The following FBXO36 variants were observed in gnomAD, a reference collection of about 807,000 sequenced individuals.
FBXO36 encodes F-box only protein 36.
In FBXO36, 18 loss-of-function variants were observed where a neutral mutation model predicts 17.0. The ratio of observed to expected loss-of-function variants is 1.06; its 90% CI spans 0.73 to 1.57. The LOEUF is 1.57. Among genes scored for constraint, FBXO36 ranks in the 40% most tolerant of loss-of-function variants. The pLI is 0.00. For synonymous variants in FBXO36, 83 were observed against 85.3 expected (o/e 0.97, Z 0.15); for missense variants, 229 against 221.9 (o/e 1.03, Z -0.20).
intron 1 of FBXO36, among the ~76,000 whole-genome samples, chr2:229,933,165 G>C (rs951131494): frequency 6.6e-6 from 1 of 152,144 alleles, no homozygotes; most frequent in Admixed American, 6.6e-5. Context: ...GGACGAGGCG[G>C]GTGGATCACC....
chr2:229,980,110 C>T lies in FBXO36; in HGVS notation c.205+3761C>T, dbSNP rs543632304. Among the ~76,000 whole-genome samples, 8 of 152,134 alleles carry T rather than the reference C, an allele frequency of 5.3e-5. 1 individual carries two copies. The highest frequency in any genetic ancestry group is 1.9e-4 in the East Asian group (1 of 5,172). ...TCGCCTAGGGTGGACGGCAGTGGCA[C>T]GATCTCAGCTCACTGCAACCTCCAC... On this transcript the variant is annotated intron_variant, in intron 2 of 3. Coordinates refer to ENST00000283946, the MANE Select transcript of FBXO36 (RefSeq NM_174899.5).
chr2:229,963,867 A>G (rs1202410405), intron 1 of FBXO36, among the ~76,000 whole-genome samples: 1 of 152,148 alleles, frequency 6.6e-6, no homozygotes, highest in Non-Finnish European at 1.5e-5. Flanking sequence ...TTCCCTCCAT[A>G]CATTTTGTAC....
chr2:229,948,518 GAAAAA>G, intron 1 of FBXO36, among the ~76,000 whole-genome samples: 1 of 129,276 alleles, frequency 7.7e-6, no homozygotes. Context: ...GGGCTTTAGA[GAAAAA>G]AAAAAAAAAA....
intron 1 of FBXO36, among the ~76,000 whole-genome samples, chr2:229,964,879 G>C (rs1303427236): frequency 6.6e-6 from 1 of 152,128 alleles, no homozygotes; most frequent in Non-Finnish European, 1.5e-5. Flanking sequence ...GTACTTACCT[G>C]TTTACCAGTT....
chr2:230,006,105 GTT>G (rs577192144), intron 3 of FBXO36, among the ~76,000 whole-genome samples: 87 of 124,644 alleles, frequency 7.0e-4, no homozygotes, highest in African/African-American at 2.0e-3. Context: ...TTTTATTTTA[GTT>G]TTTTTTTTTT....
Position 229,996,740 on chromosome 2 carries a change from T to G in FBXO36, c.206-11T>G. ...GTATATGATAACCATGTTGGCTTCT[T>G]TGAATTACAGGTCAAACTGCCTTAA... is the stretch of plus-strand genomic sequence containing the variant. On this transcript the variant is annotated splice_polypyrimidine_tract_variant and intron_variant, in intron 2 of 3. Transcript: ENST00000283946. 1.9e-6 allele frequency: 3 copies of G among 1,600,100 alleles called. No individual in the cohort carries two copies. Among genetic ancestry groups the G allele is most frequent in the Non-Finnish European group, 2.6e-6 (3 of 1,173,920 alleles).
At chr2:229,966,359 G>A (rs1329698308) in intron 1 of FBXO36, among the ~76,000 whole-genome samples, 17 of 152,062 alleles carry the variant, frequency 1.1e-4, no homozygotes, top group African/African-American at 4.1e-4. Context: ...AGTTTCTTTT[G>A]CTGTGCAGAA....
intron 1 of FBXO36, among the ~76,000 whole-genome samples, chr2:229,925,467 AAATATGTTTTATAAGATAG>A (rs1317081106): frequency 6.6e-6 from 1 of 152,216 alleles, no homozygotes; most frequent in Non-Finnish European, 1.5e-5. Context: ...ACTAGCATTA[AAATATGTTTTATAAGATAG>A]ATTTTTTTTC....
intron 1 of FBXO36, among the ~76,000 whole-genome samples, chr2:229,949,474 AC>A (rs1253911504): frequency 6.6e-6 from 1 of 152,164 alleles, no homozygotes; most frequent in Admixed American, 6.6e-5. Flanking sequence ...TGTCTGTGAC[AC>A]TAAAGTATAA....
intron 2 of FBXO36, chr2:229,977,096 T>C (rs1035598263): frequency 2.6e-5 from 4 of 152,176 alleles, no homozygotes; most frequent in Admixed American, 1.3e-4. Flanking sequence ...TGGCGGTTTC[T>C]GACTGGGTAA....
At chr2:230,007,742 G>A (rs983147461) in intron 3 of FBXO36, among the ~76,000 whole-genome samples, 3 of 152,040 alleles carry the variant, frequency 2.0e-5, no homozygotes, top group African/African-American at 4.8e-5. Flanking sequence ...GACTACAGGC[G>A]CATGCCACCA....
At chr2:229,978,108 A>ACAAAT (rs2077219458) in intron 2 of FBXO36, among the ~76,000 whole-genome samples, 1 of 151,804 alleles carries the variant, frequency 6.6e-6, no homozygotes, top group African/African-American at 2.4e-5. Context: ...ACAAAACAAA[A>ACAAAT]CAAAAACCAA....
intron 1 of FBXO36, among the ~76,000 whole-genome samples, chr2:229,947,718 A>G (rs1222198431): frequency 6.6e-6 from 1 of 152,228 alleles, no homozygotes; most frequent in Non-Finnish European, 1.5e-5. Context: ...TTTTGTGATG[A>G]TAGAGGCTAA....
At chr2:229,980,328 C>A (rs531789258) in intron 2 of FBXO36, among the ~76,000 whole-genome samples, 1 of 148,798 alleles carries the variant, frequency 6.7e-6, no homozygotes, top group African/African-American at 2.4e-5. Context: ...CCCAAAGTGC[C>A]GGGGATTATA....
chr2:229,939,058 GTTTTTTTT>G (rs199897011), intron 1 of FBXO36: 1 of 115,620 alleles, frequency 8.6e-6, no homozygotes, highest in Non-Finnish European at 1.7e-5. Flanking sequence ...TTTGTTTTTT[GTTTTTTTT>G]TTTTTTTGAG....
chr2:230,010,151 C>T (rs966491494), intron 3 of FBXO36, among the ~76,000 whole-genome samples: 17 of 151,976 alleles, frequency 1.1e-4, no homozygotes, highest in African/African-American at 2.4e-5. Context: ...ATCCCAGCTA[C>T]TTGGGAGGCT....
rs2106222959 is a variant in FBXO36 at position 230,012,812 on chromosome 2, C to T, written c.*1928C>T. On this transcript the variant is annotated 3_prime_UTR_variant, in exon 4 of 4. Transcript: ENST00000283946. ...TAACATCAGTGCAAGATGATTAAAGCTTCATGTGTAGTATTTTATCAACAA... is the reference window on the plus strand; with the variant it reads ...TAACATCAGTGCAAGATGATTAAAGTTTCATGTGTAGTATTTTATCAACAA... The T allele has an allele frequency of 6.6e-6, 1 of 151,794 alleles. No individual in the cohort carries two copies. Among genetic ancestry groups the T allele is most frequent in the South Asian group, 2.1e-4 (1 of 4,822 alleles). 9.4% of individuals were successfully genotyped at this position (151,794 alleles called of 1,614,324 possible). A position where few individuals can be genotyped will look rare whatever the true frequency, so the allele number is the denominator to read the frequency against.
At chr2:229,947,086 T>C (rs1301268281) in intron 1 of FBXO36, among the ~76,000 whole-genome samples, 1 of 152,090 alleles carries the variant, frequency 6.6e-6, no homozygotes, top group Non-Finnish European at 1.5e-5. Flanking sequence ...GAGAATCACT[T>C]GAACCCGGGA....
chr2:229,982,823 GCA>G (rs2077247858), intron 2 of FBXO36, among the ~76,000 whole-genome samples: 1 of 149,238 alleles, frequency 6.7e-6, no homozygotes, highest in Non-Finnish European at 1.5e-5. Flanking sequence ...AATCACATCT[GCA>G]CAGTTACTTT....
Sources: allele counts gnomAD v4.1 joint callset (sites outside exome capture counted in the v4.1 genomes callset), GRCh38; gene constraint gnomAD v4.1.1; transcripts MANE v1.5; gene names NCBI Gene and HGNC (gene_info 2026-07-23, HGNC 2026-07-21).